The following TUSC3 variants were observed in gnomAD, a reference collection of about 807,000 sequenced individuals.
TUSC3 encodes the protein dolichyl-diphosphooligosaccharide--protein glycosyltransferase subunit TUSC3.
Under a neutral mutation model 44.8 loss-of-function variants are expected in TUSC3, and 45 were observed. That is an observed-to-expected ratio of 1.00 (90% confidence interval 0.79 to 1.29). The LOEUF (loss-of-function observed/expected upper bound fraction) is 1.29, where lower values mean the gene tolerates loss of function less well. TUSC3 is among the 50% of genes most tolerant of loss of function. The pLI is 0.00. For synonymous variants in TUSC3, 212 were observed against 152.9 expected (o/e 1.39, Z -2.85); for missense variants, 519 against 437.9 (o/e 1.19, Z -1.65).
chr8:15,826,385 G>C, the TUSC3 span, among the ~76,000 whole-genome samples: 1 of 152,114 alleles, frequency 6.6e-6, no homozygotes, highest in Non-Finnish European at 1.5e-5. Flanking sequence ...GCTTTCAATA[G>C]CTTTAATTGC....
chr8:15,664,179 T>C (rs1437658151), intron 5 of TUSC3, among the ~76,000 whole-genome samples: 1 of 151,748 alleles, frequency 6.6e-6, no homozygotes, highest in East Asian at 1.9e-4. Flanking sequence ...TAATCTCAAC[T>C]TGTAGAAGCT....
At chr8:15,646,137 C>A (rs893471982) in intron 2 of TUSC3, among the ~76,000 whole-genome samples, 6 of 152,082 alleles carry the variant, frequency 3.9e-5, no homozygotes, top group Non-Finnish European at 8.8e-5. Flanking sequence ...CATCAGCAAG[C>A]ATTGTAAGTA....
At position 15,512,032 on chromosome 8, in the gene TUSC3, A is replaced by T. The variant is rs538288618; in HGVS notation, n.189+28549A>T. On this transcript the variant is annotated intron_variant and non_coding_transcript_variant, in intron 2 of 5. Coordinates refer to the TUSC3 transcript ENST00000503191. ...AAGCTGATTCTAAAGTTCATATGGA[A>T]ATGCAAAGAACCTAGAAGATCCAGA... is the stretch of plus-strand genomic sequence containing the variant. 2.6e-5 allele frequency among the ~76,000 whole-genome samples: 4 copies of T among 152,352 alleles called. No homozygotes were observed. In the East Asian group the frequency reaches 7.7e-4, roughly 29 times the overall value.
intron 2 of TUSC3, among the ~76,000 whole-genome samples, chr8:15,498,518 A>T (rs1800912749): frequency 1.3e-5 from 2 of 152,150 alleles, no homozygotes; most frequent in Admixed American, 1.3e-4. Context: ...CCACCCAAGG[A>T]TCCTAGCGAT....
rs73665451 is a variant in TUSC3 at position 15,600,242 on chromosome 8, C to T, written c.139-22838C>T. ...CTGTAGTCTGTGGAAGACCATTTGA[C>T]AGTAGGGAGAATTATGGCCTTTGTA... is the stretch of plus-strand genomic sequence containing the variant. On this transcript the variant is annotated intron_variant, in intron 1 of 10. Transcript: ENST00000503731. Among the ~76,000 whole-genome samples, 1,249 of 151,722 alleles carry T rather than the reference C, an allele frequency of 8.2e-3. 17 individuals carry two copies. The highest frequency in any genetic ancestry group is 0.029 in the African/African-American group (1,209 of 41,470).
intron 6 of TUSC3, among the ~76,000 whole-genome samples, chr8:15,699,151 C>T (rs1431555365): frequency 6.6e-6 from 1 of 152,114 alleles, no homozygotes; most frequent in African/African-American, 2.4e-5. Flanking sequence ...GTGCAGCCAT[C>T]TTCAGCCTAT....
intron 7 of TUSC3, among the ~76,000 whole-genome samples, chr8:15,736,204 T>C (rs947283967): frequency 6.6e-6 from 1 of 152,130 alleles, no homozygotes; most frequent in Admixed American, 6.6e-5. Context: ...TGGTGTGGCA[T>C]TTACAGTCTA....
chr8:15,721,901 A>G (rs1304120382), intron 6 of TUSC3, among the ~76,000 whole-genome samples: 1 of 151,964 alleles, frequency 6.6e-6, no homozygotes, highest in Non-Finnish European at 1.5e-5. Context: ...GTATTTTTGT[A>G]TATATATACA....
In TUSC3 at chr8:15,691,403, T is replaced by A. The variant is rs376319805; in HGVS notation, c.798+17567T>A. 7.9e-5 allele frequency among the ~76,000 whole-genome samples: 12 copies of A among 152,170 alleles called. No individual in the cohort carries two copies. The East Asian group carries it at 2.3e-3, about 29-fold the overall frequency. On this transcript the variant is annotated intron_variant, in intron 6 of 10. Transcript: ENST00000503731. Reference sequence around the variant, plus strand: ...AAGTTGTTTAGCAGATCAAGAAGCTTTTGGACAGAGACTATGGGGTTTTCT... The same window carrying A: ...AAGTTGTTTAGCAGATCAAGAAGCTATTGGACAGAGACTATGGGGTTTTCT...
chr8:15,456,008 G>C (rs563452700), intron 1 of TUSC3, among the ~76,000 whole-genome samples: 4 of 152,186 alleles, frequency 2.6e-5, no homozygotes, highest in South Asian at 4.1e-4. Context: ...GACTCCACCA[G>C]GACCTACCAA....
chr8:15,677,711 C>T (rs563084485), intron 6 of TUSC3, among the ~76,000 whole-genome samples: 1 of 152,250 alleles, frequency 6.6e-6, no homozygotes, highest in South Asian at 2.1e-4. Context: ...TCAGACAGAG[C>T]CAGGTTCTAT....
At chr8:15,822,924 A>G in the TUSC3 span, among the ~76,000 whole-genome samples, 2 of 152,154 alleles carry the variant, frequency 1.3e-5, no homozygotes, top group Non-Finnish European at 2.9e-5. Flanking sequence ...TCATATCTGT[A>G]TAACATAGTC....
chr8:15,780,402 C>G, the TUSC3 span, among the ~76,000 whole-genome samples: 1 of 152,086 alleles, frequency 6.6e-6, no homozygotes, highest in African/African-American at 2.4e-5. Flanking sequence ...CTTGATTCAT[C>G]AACTTGGAAC....
chr8:15,811,866 G>C, the TUSC3 span, among the ~76,000 whole-genome samples: 1 of 151,920 alleles, frequency 6.6e-6, no homozygotes, highest in African/African-American at 2.4e-5. Flanking sequence ...TAAAATAGCC[G>C]AGCCAGTTCT....
intron 2 of TUSC3, among the ~76,000 whole-genome samples, chr8:15,510,090 T>A (rs1020905719): frequency 3.9e-5 from 6 of 152,134 alleles, no homozygotes; most frequent in Non-Finnish European, 7.4e-5. Context: ...GAAGAATTGT[T>A]TGAGCCCAAG....
intron 1 of TUSC3, among the ~76,000 whole-genome samples, chr8:15,612,777 T>C (rs565347234): frequency 2.0e-5 from 3 of 152,186 alleles, no homozygotes; most frequent in East Asian, 1.9e-4. Flanking sequence ...GATTCTAAGT[T>C]ACAGATTTCT....
the TUSC3 span, among the ~76,000 whole-genome samples, chr8:15,822,751 G>T: frequency 6.6e-6 from 1 of 152,052 alleles, no homozygotes; most frequent in East Asian, 1.9e-4. Context: ...GACTTTCAAG[G>T]AGGAAGGATT....
chr8:15,649,306 C>T (rs919297927), intron 2 of TUSC3, among the ~76,000 whole-genome samples: 3 of 152,102 alleles, frequency 2.0e-5, no homozygotes, highest in African/African-American at 7.2e-5. Flanking sequence ...GAAGTTTAGC[C>T]GGGCGCGGTG....
chr8:15,746,309 AAATT>A (rs1811412859), intron 8 of TUSC3, among the ~76,000 whole-genome samples: 1 of 152,086 alleles, frequency 6.6e-6, no homozygotes, highest in African/African-American at 2.4e-5. Context: ...AGCCACCCCC[AAATT>A]AATTATTCAT....
Sources: gnomAD v4.1 joint callset for allele counts (sites outside exome capture counted in the v4.1 genomes callset) on GRCh38, gnomAD v4.1.1 for gene constraint, MANE v1.5 for transcripts, NCBI Gene and HGNC (gene_info 2026-07-23, HGNC 2026-07-21) for gene names.